Variants in SAMD12 observed in about 807,000 individuals in gnomAD.
SAMD12 encodes sterile alpha motif domain-containing protein 12.
A neutral mutation model predicts 15.0 loss-of-function variants in SAMD12; 9 were observed. The ratio of observed to expected loss-of-function variants is 0.60; its 90% CI spans 0.36 to 1.05. The LOEUF is 1.05. SAMD12 is among the 50% of genes least tolerant of loss of function. The pLI, the probability that SAMD12 is intolerant of heterozygous loss-of-function variation, is 0.01. For synonymous variants in SAMD12, 86 were observed against 90.1 expected (o/e 0.96, Z 0.25); for missense variants, 230 against 234.2 (o/e 0.98, Z 0.12).
At chr8:118,229,819 G>A (rs1251419928) in intron 4 of SAMD12, among the ~76,000 whole-genome samples, 2 of 152,076 alleles carry the variant, frequency 1.3e-5, no homozygotes, top group Non-Finnish European at 2.9e-5. Flanking sequence ...GGCCACACAC[G>A]GCTGCCCTAC....
chr8:118,426,807 G>A (rs191731018), intron 3 of SAMD12, among the ~76,000 whole-genome samples: 395 of 139,360 alleles, frequency 2.8e-3, no homozygotes, highest in Middle Eastern at 0.01. Flanking sequence ...TTTTGAAATC[G>A]TGAGTATTTT....
chr8:118,211,644 TATA>T (rs1692085663), intron 4 of SAMD12, among the ~76,000 whole-genome samples: 1 of 152,248 alleles, frequency 6.6e-6, no homozygotes, highest in Non-Finnish European at 1.5e-5. Context: ...ATTCTGAATC[TATA>T]AAATTATGAG....
intron 4 of SAMD12, among the ~76,000 whole-genome samples, chr8:118,281,808 A>G (rs527240293): frequency 1.3e-5 from 2 of 152,238 alleles, no homozygotes; most frequent in East Asian, 3.9e-4. Context: ...CAATTTCTAA[A>G]CTAACATGTC....
chr8:118,313,180 A>T (rs1815715433), intron 4 of SAMD12, among the ~76,000 whole-genome samples: 1 of 152,204 alleles, frequency 6.6e-6, no homozygotes, highest in South Asian at 2.1e-4. Flanking sequence ...TTTCTCTTCT[A>T]AACACTCACA....
At chr8:118,352,485 C>T (rs1005147309) in intron 4 of SAMD12, among the ~76,000 whole-genome samples, 4 of 152,128 alleles carry the variant, frequency 2.6e-5, no homozygotes, top group African/African-American at 4.8e-5. Flanking sequence ...CCTACCGTCT[C>T]CATAGTTCCT....
intron 4 of SAMD12, among the ~76,000 whole-genome samples, chr8:118,346,006 G>A (rs1005708145): frequency 5.9e-5 from 9 of 152,276 alleles, no homozygotes; most frequent in East Asian, 1.9e-4. Context: ...GTCCTGCACC[G>A]CAGCAGCCTA....
At chr8:118,325,824 G>A (rs1816538762) in intron 4 of SAMD12, among the ~76,000 whole-genome samples, 1 of 152,186 alleles carries the variant, frequency 6.6e-6, no homozygotes, top group South Asian at 2.1e-4. Flanking sequence ...CATCAATGAT[G>A]TAAAAGTACC....
chr8:118,319,307 T>C (rs1816108029), intron 4 of SAMD12, among the ~76,000 whole-genome samples: 1 of 152,088 alleles, frequency 6.6e-6, no homozygotes, highest in African/African-American at 2.4e-5. Context: ...CTTATGACAG[T>C]ATTCATCAAG....
At chr8:118,218,893 G>A (rs1028936358) in intron 4 of SAMD12, among the ~76,000 whole-genome samples, 7 of 152,120 alleles carry the variant, frequency 4.6e-5, no homozygotes, top group African/African-American at 1.7e-4. Context: ...TTTAGGGGCT[G>A]AAAACTAGTG....
intron 3 of SAMD12, among the ~76,000 whole-genome samples, chr8:118,437,384 TTTC>T (rs533866852): frequency 2.0e-5 from 3 of 152,288 alleles, no homozygotes; most frequent in East Asian, 1.9e-4. Context: ...AATTCCCTGC[TTTC>T]TTCTTCTTGC....
intron 4 of SAMD12, among the ~76,000 whole-genome samples, chr8:118,286,858 A>G (rs1409362713): frequency 1.3e-5 from 2 of 152,142 alleles, no homozygotes; most frequent in Non-Finnish European, 1.5e-5. Context: ...GGTTTCTGTA[A>G]TGGGAATTTC....
chr8:118,445,006 A>C (rs929068044), intron 2 of SAMD12, among the ~76,000 whole-genome samples: 3 of 152,202 alleles, frequency 2.0e-5, no homozygotes, highest in African/African-American at 7.2e-5. Flanking sequence ...AAAGCGGTTT[A>C]GTATATCATT....
intron 2 of SAMD12, among the ~76,000 whole-genome samples, chr8:118,473,515 C>G (rs561739827): frequency 2.6e-5 from 4 of 152,288 alleles, no homozygotes; most frequent in African/African-American, 9.6e-5. Context: ...TCTTCATTTT[C>G]TGGATTTGCT....
At chr8:118,616,003 C>T (rs943427457) in intron 1 of SAMD12, among the ~76,000 whole-genome samples, 6 of 152,122 alleles carry the variant, frequency 3.9e-5, no homozygotes, top group Admixed American at 6.5e-5. Context: ...AACTTCTAGC[C>T]GTCATTCTCC....
At chr8:118,356,479 G>A (rs17828843) in intron 4 of SAMD12, among the ~76,000 whole-genome samples, 23,887 of 151,934 alleles carry the variant, frequency 0.16, 2,374 homozygotes, top group South Asian at 0.25. Flanking sequence ...ATATATAAAC[G>A]CCCACCTGCA....
chr8:118,470,298 TA>T (rs968519624), intron 2 of SAMD12, among the ~76,000 whole-genome samples: 1 of 151,752 alleles, frequency 6.6e-6, no homozygotes, highest in Non-Finnish European at 1.5e-5. Context: ...ACTTAGGTAA[TA>T]AAAAAATAAC....
intron 4 of SAMD12, among the ~76,000 whole-genome samples, chr8:118,215,585 T>G (rs377739127): frequency 1.3e-5 from 2 of 152,062 alleles, no homozygotes; most frequent in Admixed American, 1.3e-4. Context: ...TCTAGCATTA[T>G]GTATATCTCC....
At chr8:118,200,938 C>T (rs1819698179) in intron 4 of SAMD12, among the ~76,000 whole-genome samples, 1 of 152,218 alleles carries the variant, frequency 6.6e-6, no homozygotes, top group African/African-American at 2.4e-5. Context: ...CCTCACTTCT[C>T]AGCCTTGCTG....
At chr8:118,557,467 G>C (rs1159598781) in intron 2 of SAMD12, among the ~76,000 whole-genome samples, 1 of 152,168 alleles carries the variant, frequency 6.6e-6, no homozygotes, top group Non-Finnish European at 1.5e-5. Context: ...ATTGGGGTTG[G>C]AGTAGATCTG....
Sources: allele counts gnomAD v4.1 joint callset (sites outside exome capture counted in the v4.1 genomes callset), GRCh38; gene constraint gnomAD v4.1.1; transcripts MANE v1.5; gene names NCBI Gene and HGNC (gene_info 2026-07-23, HGNC 2026-07-21).